The following PTPRD variants were observed in gnomAD, a reference collection of about 807,000 sequenced individuals.
PTPRD encodes the protein receptor-type tyrosine-protein phosphatase delta.
PTPRD carries 34 observed loss-of-function variants against 214.5 expected under a neutral mutation model. The ratio of observed to expected loss-of-function variants is 0.16; its 90% CI spans 0.12 to 0.21. The LOEUF (loss-of-function observed/expected upper bound fraction) is 0.21, where lower values mean the gene tolerates loss of function less well. Ranked by LOEUF, PTPRD falls within the 10% of genes least tolerant of loss-of-function variation. The pLI is 1.00. For synonymous variants in PTPRD, 1,128 were observed against 845.7 expected (o/e 1.33, Z -5.79); for missense variants, 2,545 against 2,398.7 (o/e 1.06, Z -1.27).
chr9:10,309,538 T>G (rs1420074965), intron 3 of PTPRD, among the ~76,000 whole-genome samples: 1 of 148,024 alleles, frequency 6.8e-6, no homozygotes, highest in Non-Finnish European at 1.5e-5. Flanking sequence ...TTTTTTTTTG[T>G]ATTTTTAGTA....
intron 2 of PTPRD, among the ~76,000 whole-genome samples, chr9:10,347,831 G>T (rs2097113817): frequency 1.3e-5 from 2 of 152,092 alleles, no homozygotes; most frequent in Non-Finnish European, 2.9e-5. Context: ...GCCGAGGCAG[G>T]AGGATCATCT....
At chr9:9,081,561 T>A (rs1277393601) in intron 10 of PTPRD, among the ~76,000 whole-genome samples, 1 of 152,148 alleles carries the variant, frequency 6.6e-6, no homozygotes, top group Non-Finnish European at 1.5e-5. Flanking sequence ...GTTAATTTTC[T>A]GTCTCGTTGA....
chr9:8,753,575 G>C (rs1292882484), intron 11 of PTPRD, among the ~76,000 whole-genome samples: 1 of 137,748 alleles, frequency 7.3e-6, no homozygotes, highest in East Asian at 2.0e-4. Context: ...CTAGTTACTA[G>C]AATGTGTGAA....
At chr9:10,323,716 T>G (rs1413643426) in intron 3 of PTPRD, among the ~76,000 whole-genome samples, 2 of 151,996 alleles carry the variant, frequency 1.3e-5, no homozygotes, top group Non-Finnish European at 2.9e-5. Context: ...GTTCTAATCT[T>G]AAACTTTGTC....
chr9:9,000,709 A>C (rs7871755), intron 11 of PTPRD, among the ~76,000 whole-genome samples: 83,329 of 151,706 alleles, frequency 0.55, 23,891 homozygotes, highest in South Asian at 0.73. Context: ...TGACTGCTAA[A>C]AAACAGGCAG....
intron 36 of PTPRD, among the ~76,000 whole-genome samples, chr9:8,401,663 T>A (rs1365232505): frequency 6.6e-6 from 1 of 152,190 alleles, no homozygotes; most frequent in East Asian, 1.9e-4. Context: ...ATTCTTTTAA[T>A]TTTTCCCTGT....
intron 9 of PTPRD, among the ~76,000 whole-genome samples, chr9:9,356,444 A>C (rs77773296): frequency 0.11 from 16,576 of 151,322 alleles, 1,256 homozygotes; most frequent in East Asian, 0.27. Context: ...AAACAAACCA[A>C]GTGAAATGCA....
chr9:8,625,772 A>C (rs149839368), intron 14 of PTPRD, among the ~76,000 whole-genome samples: 1 of 151,686 alleles, frequency 6.6e-6, no homozygotes, highest in Non-Finnish European at 1.5e-5. Context: ...AAAGGCATGG[A>C]AAGTTTTTAG....
rs1194909891 is a variant in PTPRD at position 9,589,491 on chromosome 9, A to G, written c.-286-14710T>C. On this transcript the variant is annotated intron_variant, in intron 7 of 45. Coordinates refer to ENST00000381196, the MANE Select transcript of PTPRD (RefSeq NM_002839.4). Reference sequence around the variant, plus strand: ...CTGGTGTTTCTGATTCCTCAGTAAGACCATGGAAAATAGGATTTTTCTTAG... The same window carrying G: ...CTGGTGTTTCTGATTCCTCAGTAAGGCCATGGAAAATAGGATTTTTCTTAG... 7.9e-5 allele frequency among the ~76,000 whole-genome samples: 12 copies of G among 152,136 alleles called. No individual in the cohort carries two copies. In the East Asian group the frequency reaches 2.3e-3, roughly 30 times the overall value.
intron 3 of PTPRD, among the ~76,000 whole-genome samples, chr9:10,299,780 T>A (rs1033687903): frequency 5.9e-5 from 9 of 152,200 alleles, no homozygotes; most frequent in Non-Finnish European, 1.2e-4. Flanking sequence ...TATTTGCATA[T>A]GAATGGTAAG....
At chr9:8,793,990 G>C (rs2096323558) in intron 11 of PTPRD, among the ~76,000 whole-genome samples, 1 of 152,178 alleles carries the variant, frequency 6.6e-6, no homozygotes, top group East Asian at 1.9e-4. Flanking sequence ...CAGCACAGCT[G>C]TGATATTGAT....
chr9:10,538,674 TA>T (rs200148972), intron 2 of PTPRD, among the ~76,000 whole-genome samples: 5,474 of 152,234 alleles, frequency 0.036, 239 homozygotes, highest in South Asian at 0.11. Flanking sequence ...ATGTACTGAA[TA>T]AATTCTTTCA....
intron 14 of PTPRD, among the ~76,000 whole-genome samples, chr9:8,559,567 A>C (rs2085335597): frequency 6.6e-6 from 1 of 152,226 alleles, no homozygotes. Flanking sequence ...GGACAAAGTA[A>C]TAAATTTCAG....
At chr9:9,668,431 A>G (rs148617164) in intron 7 of PTPRD, among the ~76,000 whole-genome samples, 74 of 152,288 alleles carry the variant, frequency 4.9e-4, no homozygotes, top group African/African-American at 1.7e-3. Flanking sequence ...GACATACAAC[A>G]TTAGAATATA....
At chr9:8,331,814 A>C (rs1841470894) in intron 43 of PTPRD, 78 bp from the exon 44 acceptor site, 1 of 1,461,486 alleles carries the variant, frequency 6.8e-7, no homozygotes, top group African/African-American at 1.5e-5. Flanking sequence ...CCACAAGAAC[A>C]ATCATTTTCA....
At chr9:9,543,289 C>G (rs978992550) in intron 8 of PTPRD, among the ~76,000 whole-genome samples, 9 of 151,498 alleles carry the variant, frequency 5.9e-5, no homozygotes, top group African/African-American at 2.2e-4. Context: ...AATGTTGCCA[C>G]TGGTGGATGT....
chr9:8,825,579 G>A (rs2097159242), intron 11 of PTPRD, among the ~76,000 whole-genome samples: 1 of 152,164 alleles, frequency 6.6e-6, no homozygotes, highest in Non-Finnish European at 1.5e-5. Context: ...TTTAAGCAAA[G>A]TTTAAAAGAG....
intron 5 of PTPRD, among the ~76,000 whole-genome samples, chr9:9,851,423 T>C (rs1280028367): frequency 6.6e-6 from 1 of 152,204 alleles, no homozygotes; most frequent in Admixed American, 6.5e-5. Flanking sequence ...AGAATGTACA[T>C]TATAAAGATT....
intron 7 of PTPRD, among the ~76,000 whole-genome samples, chr9:9,731,241 T>A (rs117108409): frequency 6.6e-6 from 1 of 152,144 alleles, no homozygotes; most frequent in Non-Finnish European, 1.5e-5. Flanking sequence ...TGTATTTAAT[T>A]TGGAATCTAA....
Sources: allele counts gnomAD v4.1 joint callset (sites outside exome capture counted in the v4.1 genomes callset), GRCh38; gene constraint gnomAD v4.1.1; transcripts MANE v1.5; gene names NCBI Gene and HGNC (gene_info 2026-07-23, HGNC 2026-07-21).